LPP: variants seen among roughly 807,000 people sequenced by gnomAD.
LPP encodes lipoma-preferred partner.
In LPP, 38 loss-of-function variants were observed where a neutral mutation model predicts 60.4. The ratio of observed to expected loss-of-function variants is 0.63; its 90% CI spans 0.49 to 0.83. The LOEUF is 0.83. Among genes scored for constraint, LPP ranks in the 40% least tolerant of loss-of-function variants. The pLI is 0.00. For synonymous variants in LPP, 328 were observed against 290.8 expected (o/e 1.13, Z -1.30); for missense variants, 902 against 783.6 (o/e 1.15, Z -1.80).
At chr3:188,466,834 T>TATATAGATATAG (rs1553906194) in intron 4 of LPP, among the ~76,000 whole-genome samples, 6 of 126,154 alleles carry the variant, frequency 4.8e-5, no homozygotes, top group Non-Finnish European at 6.6e-5. Flanking sequence ...TATATATATA[T>TATATAGATATAG]ATATATATGC....
At chr3:188,855,404 A>G (rs753238693) in intron 9 of LPP, among the ~76,000 whole-genome samples, 2 of 152,236 alleles carry the variant, frequency 1.3e-5, no homozygotes, top group Non-Finnish European at 2.9e-5. Flanking sequence ...CATAGTAGCA[A>G]CTAAATTCAT....
rs1374925849 is a variant in LPP at position 188,582,141 on chromosome 3, CCTTTTT to C, written c.430-27007_430-27002del. On this transcript the variant is annotated intron_variant, in intron 6 of 11. Transcript: ENST00000617246. The stretch of plus-strand genomic sequence containing the variant: ...CTCCCTCTCCTTGAATGTCGTTTTA[CCTTTTT>C]CTTTTTCTTTTTTTTTTTTTTTTTT... Among the ~76,000 whole-genome samples, 9 of 140,702 alleles carry C rather than the reference CCTTTTT, an allele frequency of 6.4e-5. No homozygotes were observed. In the South Asian group the frequency reaches 1.6e-3, roughly 25 times the overall value. The allele number at this position is 140,702 out of a possible 152,430, so 92.3% of individuals were successfully genotyped here.
chr3:188,370,134 G>A (rs1433917532), intron 3 of LPP, among the ~76,000 whole-genome samples: 1 of 152,116 alleles, frequency 6.6e-6, no homozygotes, highest in Non-Finnish European at 1.5e-5. Flanking sequence ...TACCGTCTTG[G>A]TATGACTGGT....
intron 9 of LPP, among the ~76,000 whole-genome samples, chr3:188,793,488 T>A (rs1214751625): frequency 6.6e-6 from 1 of 152,138 alleles, no homozygotes; most frequent in African/African-American, 2.4e-5. Flanking sequence ...GGCCACTTTC[T>A]CATTATACTG....
chr3:188,812,643 C>T (rs1206067786), intron 9 of LPP, among the ~76,000 whole-genome samples: 2 of 152,018 alleles, frequency 1.3e-5, no homozygotes, highest in African/African-American at 2.4e-5. Context: ...GGTAAATTAG[C>T]GTTCTCTTTG....
chr3:188,616,535 G>T (rs1465503291), intron 7 of LPP, among the ~76,000 whole-genome samples: 1 of 151,986 alleles, frequency 6.6e-6, no homozygotes, highest in African/African-American at 2.4e-5. Flanking sequence ...CTCCAGCTTT[G>T]TTCTTTTTGC....
chr3:188,640,719 T>C (rs1042728491), intron 7 of LPP, among the ~76,000 whole-genome samples: 1 of 146,930 alleles, frequency 6.8e-6, no homozygotes, highest in African/African-American at 2.5e-5. Context: ...TCTTTTGGAA[T>C]TTTTTTTTTT....
chr3:188,279,502 C>G (rs149788884), intron 2 of LPP, among the ~76,000 whole-genome samples: 1 of 152,326 alleles, frequency 6.6e-6, no homozygotes, highest in Admixed American at 6.5e-5. Context: ...CTTCCTTTCT[C>G]TAGGATTCAA....
rs1770600847 is a variant in LPP, at chr3:188,885,911, G to A, written c.*11432G>A. ...CCAGTGATGGTGAGCATTTTTTCAT[G>A]TGTTTCTTGGCTGCATAAATGTCTT... On this transcript the variant is annotated 3_prime_UTR_variant, in exon 12 of 12. Coordinates refer to ENST00000617246, the MANE Select transcript of LPP (RefSeq NM_001375462.1). The A allele has an allele frequency of 1.3e-5, 2 of 152,108 alleles. No individual in the cohort carries two copies. Among genetic ancestry groups the A allele is most frequent in the African/African-American group, 2.4e-5 (1 of 41,432 alleles). 9.4% of individuals were successfully genotyped at this position (152,108 alleles called of 1,614,324 possible). A position where few individuals can be genotyped will look rare whatever the true frequency, so the allele number is the denominator to read the frequency against.
intron 2 of LPP, among the ~76,000 whole-genome samples, chr3:188,272,251 G>T (rs1738005117): frequency 6.6e-6 from 1 of 152,178 alleles, no homozygotes; most frequent in African/African-American, 2.4e-5. Context: ...TTAAAAGCAT[G>T]AATTTAATAT....
chr3:188,762,362 T>A (rs973855926), intron 9 of LPP, among the ~76,000 whole-genome samples: 3 of 152,206 alleles, frequency 2.0e-5, no homozygotes, highest in Non-Finnish European at 2.9e-5. Flanking sequence ...AGTAGTGGAA[T>A]AAATGTTATT....
At position 188,441,609 on chromosome 3, in the gene LPP, C is replaced by CTTTTTTTTTTTTT. The variant is rs1004222826; in HGVS notation, c.193+35313_193+35325dup. Among the ~76,000 whole-genome samples the CTTTTTTTTTTTTT allele has an allele frequency of 2.4e-3, 134 of 55,620 alleles. 15 individuals are homozygous for CTTTTTTTTTTTTT. The highest frequency in any genetic ancestry group is 2.9e-3 in the Non-Finnish European group (85 of 29,402). The allele number at this position is 55,620 out of a possible 152,430, so 36.5% of individuals were successfully genotyped here. A position where few individuals can be genotyped will look rare whatever the true frequency, so the allele number is the denominator to read the frequency against. On this transcript the variant is annotated intron_variant, in intron 4 of 11. Coordinates refer to ENST00000617246, the MANE Select transcript of LPP (RefSeq NM_001375462.1). ...ACAGTTTCTTTTTTTCTTTTCTTTT[C>CTTTTTTTTTTTTT]TTTTTTTTTTTTTTTTTTTTTTTTT...
intron 2 of LPP, among the ~76,000 whole-genome samples, chr3:188,248,375 G>A (rs1345611600): frequency 6.6e-6 from 1 of 150,506 alleles, no homozygotes; most frequent in East Asian, 1.9e-4. Flanking sequence ...TTTTAAAAGC[G>A]TGTGCAATAA....
intron 1 of LPP, chr3:188,179,200 CT>C (rs1344877602): frequency 2.2e-6 from 1 of 456,108 alleles, no homozygotes; most frequent in Non-Finnish European, 4.4e-6. Flanking sequence ...CCCTCCAAGG[CT>C]TTTGAATTTG....
intron 4 of LPP, among the ~76,000 whole-genome samples, chr3:188,467,802 G>T (rs949785055): frequency 2.0e-5 from 3 of 152,102 alleles, no homozygotes; most frequent in African/African-American, 7.2e-5. Context: ...AAAAGACAAA[G>T]AAGTGGATTC....
At chr3:188,814,771 G>A (rs1313411636) in intron 9 of LPP, among the ~76,000 whole-genome samples, 1 of 152,198 alleles carries the variant, frequency 6.6e-6, no homozygotes, top group Non-Finnish European at 1.5e-5. Context: ...AGCAATGTGT[G>A]ATTCATGTGT....
chr3:188,180,880 T>TATA (rs1228224225), intron 1 of LPP: 3 of 151,946 alleles, frequency 2.0e-5, no homozygotes, highest in Non-Finnish European at 4.4e-5. Flanking sequence ...TTTTCATCAT[T>TATA]ATAAATAGCA....
intron 4 of LPP, among the ~76,000 whole-genome samples, chr3:188,464,309 G>A (rs1261554076): frequency 6.6e-6 from 1 of 152,146 alleles, no homozygotes; most frequent in Non-Finnish European, 1.5e-5. Context: ...CTAGCCCCAT[G>A]TGACCATTTG....
At chr3:188,421,309 C>G (rs542524246) in intron 4 of LPP, among the ~76,000 whole-genome samples, 11 of 152,122 alleles carry the variant, frequency 7.2e-5, no homozygotes, top group Admixed American at 3.9e-4. Flanking sequence ...TTTAGTGAAC[C>G]ACAATAGCTT....
Sources: allele counts gnomAD v4.1 joint callset (sites outside exome capture counted in the v4.1 genomes callset), GRCh38; gene constraint gnomAD v4.1.1; transcripts MANE v1.5; gene names NCBI Gene and HGNC (gene_info 2026-07-23, HGNC 2026-07-21).